The following TRPC6 variants were observed in gnomAD, a reference collection of about 807,000 sequenced individuals.
TRPC6 encodes transient receptor potential cation channel subfamily C member 6.
Under a neutral mutation model 90.7 loss-of-function variants are expected in TRPC6, and 55 were observed. That is an observed-to-expected ratio of 0.61 (90% CI 0.49 to 0.76). The LOEUF (loss-of-function observed/expected upper bound fraction) is 0.76, where lower values mean the gene tolerates loss of function less well. TRPC6 is among the 30% of genes least tolerant of loss of function. The pLI is 0.00. For missense variants in TRPC6, 989 were observed against 1,122.7 expected, an observed-to-expected ratio of 0.88 and a Z score of 1.70; for synonymous variants, 393 against 393.0, an observed-to-expected ratio of 1.00 and a Z score of 0.00.
At chr11:101,558,460 T>TACACACACAC (rs71056630) in intron 1 of TRPC6, among the ~76,000 whole-genome samples, 590 of 50,492 alleles carry the variant, frequency 0.012, 194 homozygotes, top group East Asian at 0.067. Context: ...CACGCACACA[T>TACACACACAC]ACACACACAC....
intron 1 of TRPC6, among the ~76,000 whole-genome samples, chr11:101,573,919 TAC>T (rs144094871): frequency 0.011 from 1,405 of 132,362 alleles, 80 homozygotes; most frequent in African/African-American, 0.039. Flanking sequence ...AAGAAACAAA[TAC>T]GTGTGTGTGT....
chr11:101,534,142 TTCTC>T (rs1021583076), intron 1 of TRPC6, among the ~76,000 whole-genome samples: 7 of 152,166 alleles, frequency 4.6e-5, no homozygotes, highest in African/African-American at 9.6e-5. Flanking sequence ...CTTCCCTCTC[TTCTC>T]TCTCTTTCTG....
chr11:101,482,872 T>A, intron 5 of TRPC6, 77 bp downstream of exon 5: 1 of 1,373,540 alleles, frequency 7.3e-7, no homozygotes, highest in East Asian at 2.3e-5. Flanking sequence ...GTATAACTGA[T>A]GTGTGAAAGA....
intron 1 of TRPC6, among the ~76,000 whole-genome samples, chr11:101,557,940 C>T (rs2136856941): frequency 6.6e-6 from 1 of 152,094 alleles, no homozygotes; most frequent in Admixed American, 6.5e-5. Context: ...TTTATACTAG[C>T]CAAAGTGATC....
chr11:101,535,195 GAA>G (rs2136807075), intron 1 of TRPC6, among the ~76,000 whole-genome samples: 1 of 42,288 alleles, frequency 2.4e-5, no homozygotes, highest in South Asian at 6.6e-4. Flanking sequence ...AGGAAGGAAG[GAA>G]GGAAGGAAGG....
intron 1 of TRPC6, among the ~76,000 whole-genome samples, chr11:101,572,240 C>A (rs1449298920): frequency 2.0e-5 from 3 of 149,942 alleles, no homozygotes; most frequent in East Asian, 3.9e-4. Flanking sequence ...CAAAAGAAGA[C>A]ATTTTTGTAG....
At chr11:101,576,431 G>A (rs992503888) in intron 1 of TRPC6, among the ~76,000 whole-genome samples, 1 of 152,182 alleles carries the variant, frequency 6.6e-6, no homozygotes, top group Non-Finnish European at 1.5e-5. Flanking sequence ...TTGAGTATGT[G>A]TAACACTCAT....
intron 1 of TRPC6, among the ~76,000 whole-genome samples, chr11:101,578,763 G>C (rs1266602611): frequency 6.6e-6 from 1 of 152,062 alleles, no homozygotes; most frequent in Admixed American, 6.5e-5. Context: ...AATAACAAGA[G>C]AGTAAACCTT....
Position 101,504,057 on chromosome 11 carries a change from C to G in TRPC6, c.912G>C (p.Leu304=). 6.2e-7 allele frequency: 1 copy of G among 1,614,074 alleles called. No homozygotes were observed. Among genetic ancestry groups the G allele is most frequent in the African/African-American group, 1.3e-5 (1 of 75,034 alleles). Residue 304 remains leucine (L), a synonymous_variant, in exon 2 of 13, where the codon CTG becomes CTC. Coordinates refer to ENST00000344327, the MANE Select transcript of TRPC6 (RefSeq NM_004621.6). ...VMTALELSNE[L]AVLANIEKEF... is the part of the protein sequence containing the mutation. ...CTTTCTCAATATTGGCCAGAACTGC[C>G]AGTTCATTGCTAAGTTCTAAAGCCG...
chr11:101,494,078 A>G (rs569429009), intron 2 of TRPC6, among the ~76,000 whole-genome samples: 26 of 152,312 alleles, frequency 1.7e-4, no homozygotes, highest in African/African-American at 6.0e-4. Flanking sequence ...GGCAGATAGC[A>G]TCTAGAGTGT....
At chr11:101,571,341 C>T (rs1861959518) in intron 1 of TRPC6, among the ~76,000 whole-genome samples, 1 of 152,110 alleles carries the variant, frequency 6.6e-6, no homozygotes, top group African/African-American at 2.4e-5. Flanking sequence ...TCAAGGAGAA[C>T]TACAAACCAC....
chr11:101,500,790 A>G (rs1860100437), intron 2 of TRPC6, among the ~76,000 whole-genome samples: 1 of 152,168 alleles, frequency 6.6e-6, no homozygotes, highest in African/African-American at 2.4e-5. Flanking sequence ...AATTGGACTG[A>G]AAATATAACC....
intron 10 of TRPC6, among the ~76,000 whole-genome samples, chr11:101,465,485 C>G (rs1477844847): frequency 6.6e-6 from 1 of 152,042 alleles, no homozygotes. Context: ...TTTGTTCATT[C>G]CTTTTCATTC....
intron 1 of TRPC6, among the ~76,000 whole-genome samples, chr11:101,552,539 A>T (rs1861472411): frequency 6.6e-6 from 1 of 152,120 alleles, no homozygotes; most frequent in African/African-American, 2.4e-5. Context: ...CAGAAAGTTC[A>T]AGTTTTGCTC....
Position 101,526,861 on chromosome 11 carries a change from CAAAAAAAAAAAAAA to C in TRPC6, c.171-22077_171-22064del, listed in dbSNP as rs573864895. 9.4e-4 allele frequency among the ~76,000 whole-genome samples: 34 copies of C among 36,118 alleles called. 1 individual carries two copies. Among genetic ancestry groups the C allele is most frequent in the African/African-American group, 2.0e-3 (17 of 8,372 alleles). The allele number at this position is 36,118 out of a possible 152,430, so 23.7% of individuals were successfully genotyped here. On this transcript the variant is annotated intron_variant, in intron 1 of 12. Transcript: ENST00000344327. ...CCTGGGTGACAGAAGGAGACTGTCTCAAAAAAAAAAAAAAAAAAAAAAAAAAAAAAAAAAAAATT... is the reference window on the plus strand; with the variant it reads ...CCTGGGTGACAGAAGGAGACTGTCTCAAAAAAAAAAAAAAAAAAAAAAATT...
intron 9 of TRPC6, 35 bp from the exon 10 acceptor site, chr11:101,469,536 C>T (rs771815864): frequency 2.8e-6 from 2 of 725,260 alleles, no homozygotes; most frequent in Non-Finnish European, 5.1e-6. Context: ...AGTATAACTG[C>T]ATAACCAATT....
chr11:101,509,843 G>T (rs1322591721), intron 1 of TRPC6, among the ~76,000 whole-genome samples: 1 of 151,920 alleles, frequency 6.6e-6, no homozygotes, highest in East Asian at 1.9e-4. Context: ...AATCTGTTTA[G>T]CACTCTGTCA....
At chr11:101,580,944 G>C (rs1862184757) in intron 1 of TRPC6, among the ~76,000 whole-genome samples, 1 of 152,168 alleles carries the variant, frequency 6.6e-6, no homozygotes, top group Non-Finnish European at 1.5e-5. Flanking sequence ...TAGGTGTGAA[G>C]TACTTTTGTT....
In TRPC6 at chr11:101,504,710, T is replaced by A. The variant is rs199652243; in HGVS notation, c.259A>T (p.Met87Leu). The A allele has an allele frequency of 1.9e-6, 3 of 1,594,852 alleles. No homozygotes were observed. Among genetic ancestry groups the A allele is most frequent in the Non-Finnish European group, 2.6e-6 (3 of 1,169,870 alleles). The change falls in exon 2 of 13, where the codon ATG becomes TTG. Residue 87 changes from methionine to leucine, a missense_variant. This residue lies in a region of TRPC6 where 194 missense variants were observed against 136.5 expected (regional missense o/e 1.42). Coordinates refer to ENST00000344327, the MANE Select transcript of TRPC6 (RefSeq NM_004621.6). ...RRLANRGPAY[M>L]FSDRSTSLSI... ...AGGCTTGTGGAGCGATCACTAAACA[T>A]GTATGCTGGTCCTCGATTAGCTAAC...
Sources: gnomAD v4.1 joint callset for allele counts (sites outside exome capture counted in the v4.1 genomes callset) on GRCh38, gnomAD v4.1.1 for gene constraint, gnomAD v4.1.1 regional missense constraint, MANE v1.5 for transcripts, NCBI Gene and HGNC (gene_info 2026-07-23, HGNC 2026-07-21) for gene names.